EFL1: variants seen among roughly 807,000 people sequenced by gnomAD.
EFL1 encodes the protein elongation factor-like GTPase 1.
In EFL1, 76 loss-of-function variants were observed where a neutral mutation model predicts 126.7. The ratio of observed to expected loss-of-function variants is 0.60; its 90% CI spans 0.50 to 0.73. EFL1 has a LOEUF of 0.73. Among genes scored for constraint, EFL1 ranks in the 30% least tolerant of loss-of-function variants. The probability of loss-of-function intolerance (pLI) is 0.00; values close to 1 mark genes in which losing one functional copy is unlikely to be tolerated. For synonymous variants in EFL1, 410 were observed against 448.4 expected (o/e 0.91, Z 1.08); for missense variants, 1,128 against 1,343.2 (o/e 0.84, Z 2.50).
At chr15:82,219,850 G>C in intron 13 of EFL1, 32 bp from the exon 14 acceptor site, 1 of 1,579,302 alleles carries the variant, frequency 6.3e-7, no homozygotes, top group Non-Finnish European at 8.6e-7. Flanking sequence ...TTAGTGCCAA[G>C]AATGCCCTCT....
At position 82,151,736 on chromosome 15, in the gene EFL1, T is replaced by C. The variant is rs1489751192; in HGVS notation, c.2718A>G (p.Gly906=). The C allele has an allele frequency of 3.1e-6, 5 of 1,614,162 alleles. No individual in the cohort carries two copies. The highest frequency in any genetic ancestry group is 2.7e-5 in the African/African-American group (2 of 75,036). ...GTCCCTCTTTTGCCAGATCACTTGC[T>C]CCTTGTTCCTCAAATTTACTTAGGT... ...KWDLSKFEEQ[G]ASDLAKEGQE... The change falls in exon 18 of 20, where the codon GGA becomes GGG. Residue 906 remains glycine (G), a synonymous_variant. Transcript: ENST00000268206.
intron 18 of EFL1, among the ~76,000 whole-genome samples, chr15:82,144,113 T>C (rs1370297874): frequency 6.6e-6 from 1 of 151,998 alleles, no homozygotes; most frequent in African/African-American, 2.4e-5. Flanking sequence ...CATTAAAAAG[T>C]TAGCAGGGAA....
intron 19 of EFL1, among the ~76,000 whole-genome samples, chr15:82,137,029 T>TG (rs1213918173): frequency 1.3e-5 from 2 of 151,986 alleles, no homozygotes; most frequent in Non-Finnish European, 1.5e-5. Context: ...ATTTTTTTTT[T>TG]TTTTTAAAGG....
chr15:82,218,576 A>T (rs1595989914), intron 14 of EFL1, among the ~76,000 whole-genome samples: 1 of 152,186 alleles, frequency 6.6e-6, no homozygotes, highest in Admixed American at 6.5e-5. Context: ...CTGATACTTG[A>T]CCCTTACTGA....
intron 12 of EFL1, among the ~76,000 whole-genome samples, chr15:82,224,023 G>A (rs771354195): frequency 2.0e-5 from 3 of 152,146 alleles, no homozygotes; most frequent in Non-Finnish European, 4.4e-5. Context: ...AATTTTATCA[G>A]AGGAAAAGAA....
At chr15:82,201,034 G>A (rs2074462132) in intron 15 of EFL1, among the ~76,000 whole-genome samples, 1 of 152,136 alleles carries the variant, frequency 6.6e-6, no homozygotes, top group Admixed American at 6.5e-5. Context: ...CACCATGCCT[G>A]TTTTTTTATT....
At position 82,229,104 on chromosome 15, in the gene EFL1, C is replaced by G; in HGVS notation, c.862G>C (p.Gly288Arg). 6.2e-7 allele frequency: 1 copy of G among 1,609,870 alleles called. No individual in the cohort carries two copies. Among genetic ancestry groups the G allele is most frequent in the African/African-American group, 1.3e-5 (1 of 74,814 alleles). Residue 288 changes from glycine (G) to arginine (R), a missense_variant, in exon 9 of 20, where the codon GGA becomes CGA. This residue lies in a region of EFL1 where 316 missense variants were observed against 318.5 expected (regional missense o/e 0.99). Transcript: ENST00000268206. ...KKIMKGDQAKGKKPLFVQLIL... is the reference protein window; with the variant it reads ...KKIMKGDQAKRKKPLFVQLIL... ...AACTGTACAAATAAAGGTTTCTTTC[C>G]TTTGGCCTGTACAAAAGAACATACG...
chr15:82,146,202 C>A (rs887394550), intron 18 of EFL1, among the ~76,000 whole-genome samples: 13 of 152,080 alleles, frequency 8.5e-5, no homozygotes, highest in African/African-American at 3.1e-4. Context: ...CAAGTCTATC[C>A]ATTTATAGGA....
chr15:82,252,723 T>A lies in EFL1; in HGVS notation c.212A>T (p.Lys71Ile), dbSNP rs567816330. 1.2e-6 allele frequency: 2 copies of A among 1,613,442 alleles called. No homozygotes were observed. The highest frequency in any genetic ancestry group is 2.2e-5 in the South Asian group (2 of 91,026). Residue 71 changes from lysine to isoleucine, a missense_variant, in exon 4 of 20, where the codon AAA (lysine) becomes ATA (isoleucine). Transcript: ENST00000268206. ...EDEQIRGITMKSSAISLHYAT... is the reference protein window; with the variant it reads ...EDEQIRGITMISSAISLHYAT... The stretch of plus-strand genomic sequence containing the variant: ...ATAATGTAGGGAAATGGCACTGGAT[T>A]TCATAGTGATCCCTCGGATCTGTTC...
chr15:82,259,806 A>T (rs1278060864), intron 2 of EFL1, among the ~76,000 whole-genome samples: 2 of 152,174 alleles, frequency 1.3e-5, no homozygotes, highest in African/African-American at 4.8e-5. Flanking sequence ...TTCCTTCAAG[A>T]CAAGTCTTTA....
At chr15:82,221,132 G>A (rs1360149513) in intron 12 of EFL1, among the ~76,000 whole-genome samples, 1 of 152,096 alleles carries the variant, frequency 6.6e-6, no homozygotes, top group Non-Finnish European at 1.5e-5. Context: ...CTAGTCCTCT[G>A]GTCCTAACTT....
rs568840186 is a variant in EFL1, at chr15:82,152,401, C to T, written c.2053G>A (p.Val685Ile). The change falls in exon 18 of 20, where the codon GTA becomes ATA. Residue 685 changes from valine (V) to isoleucine (I), a missense_variant. Around this residue, in one of 6 missense-constraint regions of EFL1, gnomAD observed 561 missense variants for 641.7 expected, o/e 0.87. Transcript: ENST00000268206. ...CTGAATGGAATAATAGGTTCAGATACACTGATATGAATCTTTGCAAACCTA... is the reference window on the plus strand; with the variant it reads ...CTGAATGGAATAATAGGTTCAGATATACTGATATGAATCTTTGCAAACCTA... ...KERFAKIHIS[V>I]SEPIIPFRET... is the part of the protein sequence containing the mutation. 5 of 1,609,772 alleles carry T rather than the reference C, an allele frequency of 3.1e-6. No individual in the cohort carries two copies. The highest frequency in any genetic ancestry group is 4.2e-6 in the Non-Finnish European group (5 of 1,179,182).
intron 15 of EFL1, among the ~76,000 whole-genome samples, chr15:82,176,039 A>C (rs554869697): frequency 2.1e-4 from 32 of 152,330 alleles, no homozygotes; most frequent in Non-Finnish European, 4.6e-4. Context: ...AGCTGCCATT[A>C]TTGAAGATGT....
rs2075090067 is a variant in EFL1 at position 82,259,042 on chromosome 15, T to C, written c.159+46A>G. 4 of 1,527,574 alleles carry C rather than the reference T, an allele frequency of 2.6e-6. No individual in the cohort carries two copies. In the African/African-American group the frequency reaches 4.1e-5, roughly 16 times the overall value. 94.6% of individuals were successfully genotyped at this position (1,527,574 alleles called of 1,614,324 possible). Reference sequence around the variant, plus strand: ...AGAAAATGGTTCATCACATTGTTGATAGCTAATACTGAAATGCAACAAGTA... The same window carrying C: ...AGAAAATGGTTCATCACATTGTTGACAGCTAATACTGAAATGCAACAAGTA... On this transcript the variant is annotated intron_variant, in intron 3 of 19. Coordinates refer to ENST00000268206, the MANE Select transcript of EFL1 (RefSeq NM_024580.6).
At chr15:82,160,616 T>C (rs2074013278) in intron 16 of EFL1, among the ~76,000 whole-genome samples, 1 of 152,182 alleles carries the variant, frequency 6.6e-6, no homozygotes, top group Non-Finnish European at 1.5e-5. Context: ...AGCACAAAAA[T>C]TCATATATCT....
At chr15:82,218,572 C>G (rs2074675346) in intron 14 of EFL1, among the ~76,000 whole-genome samples, 1 of 152,164 alleles carries the variant, frequency 6.6e-6, no homozygotes, top group Non-Finnish European at 1.5e-5. Flanking sequence ...TTAACTGATA[C>G]TTGACCCTTA....
At chr15:82,228,924 G>C (rs1304034355) in intron 9 of EFL1, 110 bp downstream of exon 9, 4 of 914,564 alleles carry the variant, frequency 4.4e-6, no homozygotes, top group Non-Finnish European at 6.6e-6. Flanking sequence ...TAGAAGCTCT[G>C]TTCATTTTCT....
chr15:82,141,891 T>C (rs758659347), intron 18 of EFL1, among the ~76,000 whole-genome samples: 13 of 152,148 alleles, frequency 8.5e-5, no homozygotes, highest in Non-Finnish European at 1.8e-4. Context: ...AAACTGAATA[T>C]AGTTAACATG....
At chr15:82,158,043 T>G (rs905145878) in intron 16 of EFL1, among the ~76,000 whole-genome samples, 183 bp from the exon 17 acceptor site, 3 of 152,162 alleles carry the variant, frequency 2.0e-5, no homozygotes, top group Admixed American at 2.0e-4. Context: ...TTTGTACAGA[T>G]AGCAAACATG....
Sources: allele counts gnomAD v4.1 joint callset (sites outside exome capture counted in the v4.1 genomes callset), GRCh38; gene constraint gnomAD v4.1.1; regional missense constraint gnomAD v4.1.1; transcripts MANE v1.5; gene names NCBI Gene and HGNC (gene_info 2026-07-23, HGNC 2026-07-21).